DSCAML1: variants seen among roughly 807,000 people sequenced by gnomAD.
DSCAML1 encodes DS cell adhesion molecule like 1, also known as cell adhesion molecule DSCAML1.
A neutral mutation model predicts 200.5 loss-of-function variants in DSCAML1; 38 were observed. The ratio of observed to expected loss-of-function variants is 0.19; its 90% CI spans 0.15 to 0.25. The LOEUF (loss-of-function observed/expected upper bound fraction) is 0.25. Ranked by LOEUF, DSCAML1 falls within the 10% of genes least tolerant of loss-of-function variation. DSCAML1 has a pLI of 1.00. For missense variants in DSCAML1, 2,223 were observed against 2,858.8 expected, an observed-to-expected ratio of 0.78 and a Z score of 5.07; for synonymous variants, 1,215 against 1,165.0, an observed-to-expected ratio of 1.04 and a Z score of -0.87.
chr11:117,675,401 G>A (rs980989712), intron 3 of DSCAML1, among the ~76,000 whole-genome samples: 1 of 151,356 alleles, frequency 6.6e-6, no homozygotes, highest in African/African-American at 2.4e-5. Flanking sequence ...GGGCTCAAGC[G>A]ATCTTCCCGC....
intron 3 of DSCAML1, among the ~76,000 whole-genome samples, chr11:117,539,824 A>G (rs1812644546): frequency 1.3e-5 from 2 of 152,192 alleles, no homozygotes; most frequent in Non-Finnish European, 2.9e-5. Flanking sequence ...TTGCACACCC[A>G]AGTTCATAGC....
intron 3 of DSCAML1, among the ~76,000 whole-genome samples, chr11:117,651,116 A>C (rs984539340): frequency 3.3e-5 from 5 of 152,262 alleles, no homozygotes; most frequent in African/African-American, 1.2e-4. Context: ...ACTAAGGCCC[A>C]CATTTTGACC....
chr11:117,537,970 C>T (rs574256817), intron 3 of DSCAML1, among the ~76,000 whole-genome samples: 11 of 152,348 alleles, frequency 7.2e-5, no homozygotes, highest in Admixed American at 6.5e-4. Context: ...GCAGCTCACC[C>T]AGGGTGCCTT....
At position 117,608,277 on chromosome 11, in the gene DSCAML1, T is replaced by C. The variant is rs151216349; in HGVS notation, c.512-75755A>G. On this transcript the variant is annotated intron_variant, in intron 3 of 32. Coordinates refer to ENST00000651296, the MANE Select transcript of DSCAML1 (RefSeq NM_020693.4). ...ATGATCTGATATGGTGAACACAGCC[T>C]TGCAAATAAATGTAACTTTTATTGA... Among the ~76,000 whole-genome samples the C allele has an allele frequency of 4.1e-3, 618 of 152,346 alleles. 8 individuals carry two copies. Among genetic ancestry groups the C allele is most frequent in the African/African-American group, 0.014 (569 of 41,586 alleles).
chr11:117,449,714 C>T (rs12418722), intron 20 of DSCAML1, among the ~76,000 whole-genome samples: 9,557 of 152,290 alleles, frequency 0.063, 431 homozygotes, highest in Admixed American at 0.15. Context: ...CCATCCACCT[C>T]CACTAGACTG....
intron 3 of DSCAML1, among the ~76,000 whole-genome samples, chr11:117,606,854 G>T (rs2051577167): frequency 6.6e-6 from 1 of 152,348 alleles, no homozygotes; most frequent in African/African-American, 2.4e-5. Context: ...GCTTTCTGTG[G>T]ATGGTGCCTG....
At chr11:117,577,082 T>G (rs1485258816) in intron 3 of DSCAML1, among the ~76,000 whole-genome samples, 1 of 152,112 alleles carries the variant, frequency 6.6e-6, no homozygotes, top group African/African-American at 2.4e-5. Flanking sequence ...GAGCCCCACA[T>G]TAGGTAACAG....
intron 5 of DSCAML1, among the ~76,000 whole-genome samples, chr11:117,523,276 GAGAA>G (rs2049914227): frequency 6.7e-6 from 1 of 150,222 alleles, no homozygotes; most frequent in Admixed American, 6.6e-5. Context: ...CCTATTTGGA[GAGAA>G]AGAGAGAGAA....
intron 1 of DSCAML1, among the ~76,000 whole-genome samples, chr11:117,809,013 C>T (rs78064462): frequency 0.012 from 1,851 of 152,326 alleles, 28 homozygotes; most frequent in African/African-American, 0.042. Flanking sequence ...CTCACGCCCA[C>T]GCCTGTCTAC....
intron 3 of DSCAML1, among the ~76,000 whole-genome samples, chr11:117,645,245 G>C (rs1291019267): frequency 6.6e-6 from 1 of 152,272 alleles, no homozygotes; most frequent in South Asian, 2.1e-4. Flanking sequence ...GGATAAGAAC[G>C]AGTTCCAGAG....
chr11:117,548,034 C>T (rs1228783205), intron 3 of DSCAML1, among the ~76,000 whole-genome samples: 4 of 152,212 alleles, frequency 2.6e-5, no homozygotes, highest in Non-Finnish European at 2.9e-5. Flanking sequence ...ACTGCATACT[C>T]GTCTCTACTG....
At chr11:117,481,593 G>T (rs1295375394) in intron 12 of DSCAML1, among the ~76,000 whole-genome samples, 2 of 107,684 alleles carry the variant, frequency 1.9e-5, no homozygotes, top group Non-Finnish European at 3.9e-5. Context: ...TGAGGGGGGG[G>T]TCCAGGAGAG....
intron 14 of DSCAML1, among the ~76,000 whole-genome samples, chr11:117,479,421 C>T (rs1271612108): frequency 6.6e-6 from 1 of 152,172 alleles, no homozygotes; most frequent in Admixed American, 6.5e-5. Context: ...TCAAAAGGTA[C>T]GAAGGATCCA....
intron 3 of DSCAML1, among the ~76,000 whole-genome samples, chr11:117,620,305 C>G (rs1363878733): frequency 3.9e-5 from 6 of 152,170 alleles, no homozygotes; most frequent in Admixed American, 3.9e-4. Flanking sequence ...GGAGAGCTAA[C>G]AAATTGTTCT....
chr11:117,546,980 TGA>T (rs2050384668), intron 3 of DSCAML1, among the ~76,000 whole-genome samples: 2 of 151,978 alleles, frequency 1.3e-5, no homozygotes, highest in African/African-American at 4.8e-5. Context: ...TAGACATGCA[TGA>T]GAGGGGCGCT....
At chr11:117,799,639 T>C (rs149073505), upstream of DSCAML1, among the ~76,000 whole-genome samples, 13 of 152,302 alleles carry the variant, frequency 8.5e-5, no homozygotes, top group East Asian at 1.2e-3. Flanking sequence ...AGCTTTCTAA[T>C]GTCATGGTTA....
chr11:117,714,731 A>C (rs973478124), intron 3 of DSCAML1, among the ~76,000 whole-genome samples: 3 of 147,942 alleles, frequency 2.0e-5, no homozygotes, highest in African/African-American at 7.5e-5. Flanking sequence ...CTGAGGCAGG[A>C]GAATTGCTTG....
rs774069426 is a variant in DSCAML1 at position 117,437,096 on chromosome 11, C to A, written c.4720+26G>T. On this transcript the variant is annotated intron_variant, in intron 26 of 32. Transcript: ENST00000651296. The surrounding 1 kb of genome is among the most constrained non-coding windows in gnomAD (Gnocchi z 5.3). ...GCACCACCCTGCTCCAGCCTCTGTA[C>A]CATCCCTTCCACCCTTGCGACTCAC... The A allele has an allele frequency of 6.2e-7, 1 of 1,601,638 alleles. No homozygotes were observed. Among genetic ancestry groups the A allele is most frequent in the South Asian group, 1.1e-5 (1 of 89,278 alleles).
At chr11:117,742,401 G>A (rs561824889) in intron 3 of DSCAML1, among the ~76,000 whole-genome samples, 3 of 152,336 alleles carry the variant, frequency 2.0e-5, no homozygotes, top group East Asian at 3.9e-4. Context: ...ATTTTGGGAC[G>A]CTGGTGGTAC....
Sources: allele counts gnomAD v4.1 joint callset (sites outside exome capture counted in the v4.1 genomes callset), GRCh38; gene constraint gnomAD v4.1.1; non-coding constraint Gnocchi (gnomAD v3.1); transcripts MANE v1.5; gene names NCBI Gene and HGNC (gene_info 2026-07-23, HGNC 2026-07-21).